AGBL3: variants seen among roughly 807,000 people sequenced by gnomAD.
AGBL3 encodes AGBL carboxypeptidase 3.
Under a neutral mutation model 94.5 loss-of-function variants are expected in AGBL3, and 68 were observed. The ratio of observed to expected loss-of-function variants is 0.72; its 90% CI spans 0.59 to 0.88. The LOEUF (loss-of-function observed/expected upper bound fraction) is 0.88, where lower values mean the gene tolerates loss of function less well. AGBL3 is among the 40% of genes least tolerant of loss of function. The pLI is 0.00. For synonymous variants in AGBL3, 354 were observed against 370.7 expected (o/e 0.95, Z 0.52); for missense variants, 934 against 1,103.8 (o/e 0.85, Z 2.18).
chr7:135,001,415 G>T (rs1245151398), intron 4 of AGBL3, among the ~76,000 whole-genome samples: 1 of 152,154 alleles, frequency 6.6e-6, no homozygotes, highest in Non-Finnish European at 1.5e-5. Flanking sequence ...ATCCATATTA[G>T]TTTGTGAGAC....
chr7:135,023,279 G>A (rs1485734021), intron 5 of AGBL3, among the ~76,000 whole-genome samples: 1 of 152,094 alleles, frequency 6.6e-6, no homozygotes, highest in Non-Finnish European at 1.5e-5. Flanking sequence ...AACATACTTT[G>A]AACAGATCCT....
chr7:135,111,815 A>G (rs1203203100), intron 15 of AGBL3, among the ~76,000 whole-genome samples: 1 of 152,070 alleles, frequency 6.6e-6, no homozygotes, highest in African/African-American at 2.4e-5. Context: ...TTTATTTCTG[A>G]GCACTCTCAT....
chr7:135,097,526 G>T (rs904893672), intron 15 of AGBL3, among the ~76,000 whole-genome samples: 33 of 152,126 alleles, frequency 2.2e-4, no homozygotes, highest in African/African-American at 7.7e-4. Flanking sequence ...TGTAAATTTT[G>T]GCATGTTTCA....
chr7:135,128,320 C>CA, intron 16 of AGBL3: 1 of 77,926 alleles, frequency 1.3e-5, no homozygotes, highest in African/African-American at 5.8e-5. Flanking sequence ...AAAAAAAAAA[C>CA]GAAAAAAAAA....
chr7:135,100,278 A>G (rs1823629544), intron 15 of AGBL3, among the ~76,000 whole-genome samples: 1 of 152,104 alleles, frequency 6.6e-6, no homozygotes, highest in African/African-American at 2.4e-5. Flanking sequence ...TATCCATTGC[A>G]GCAACTGGAG....
intron 15 of AGBL3, among the ~76,000 whole-genome samples, chr7:135,085,689 C>G (rs569557300): frequency 1.3e-5 from 2 of 152,140 alleles, no homozygotes; most frequent in South Asian, 4.1e-4. Flanking sequence ...GTTCTCTGTT[C>G]TGTCTCATTG....
chr7:135,128,593 T>C, intron 16 of AGBL3: 3 of 771,730 alleles, frequency 3.9e-6, no homozygotes, highest in Non-Finnish European at 7.2e-6. Flanking sequence ...TTGTGAGCGC[T>C]ATCTGCTCTA....
intron 16 of AGBL3, among the ~76,000 whole-genome samples, chr7:135,122,400 C>G (rs1240708385): frequency 6.6e-6 from 1 of 152,218 alleles, no homozygotes; most frequent in African/African-American, 2.4e-5. Context: ...TGGGCCTGAG[C>G]CCCTAGCGGG....
chr7:135,038,291 T>A lies in AGBL3; in HGVS notation c.1500+711T>A, dbSNP rs971362293. Among the ~76,000 whole-genome samples, 14 of 152,292 alleles carry A rather than the reference T, an allele frequency of 9.2e-5. No homozygotes were observed. The South Asian group carries it at 1.4e-3, about 16-fold the overall frequency. On this transcript the variant is annotated intron_variant, in intron 8 of 16. Transcript: ENST00000436302. ...CAAAGACATAAAAAGGAAAGGATGA[T>A]CTGATAAAAATAGCTATTTAAAGAA...
At chr7:135,000,821 A>G (rs1357954051) in intron 4 of AGBL3, among the ~76,000 whole-genome samples, 3 of 152,188 alleles carry the variant, frequency 2.0e-5, no homozygotes, top group Non-Finnish European at 4.4e-5. Flanking sequence ...GATGGTGCTC[A>G]CAGGCTTTTT....
At chr7:134,988,701 G>A (rs1478812908) in intron 2 of AGBL3, among the ~76,000 whole-genome samples, 3 of 151,618 alleles carry the variant, frequency 2.0e-5, no homozygotes, top group Admixed American at 6.6e-5. Context: ...GCAATGGCGC[G>A]ATCTCGGCTC....
intron 4 of AGBL3, among the ~76,000 whole-genome samples, chr7:135,014,641 T>A (rs556504728): frequency 1.5e-4 from 23 of 152,362 alleles, no homozygotes; most frequent in African/African-American, 5.5e-4. Context: ...TTTTTCTTTT[T>A]CCTTGGAAGA....
At chr7:135,117,250 C>G (rs1378554072) in intron 16 of AGBL3, among the ~76,000 whole-genome samples, 1 of 152,064 alleles carries the variant, frequency 6.6e-6, no homozygotes. Context: ...TGAAATCTGA[C>G]CTATGTTTGA....
At chr7:135,124,594 C>A (rs10268206) in intron 16 of AGBL3, among the ~76,000 whole-genome samples, 1 of 152,016 alleles carries the variant, frequency 6.6e-6, no homozygotes, top group African/African-American at 2.4e-5. Flanking sequence ...ACAGAATATA[C>A]GTTCTTCTCT....
chr7:135,109,896 T>TA (rs1358968102), intron 15 of AGBL3, among the ~76,000 whole-genome samples: 1 of 152,216 alleles, frequency 6.6e-6, no homozygotes, highest in Non-Finnish European at 1.5e-5. Flanking sequence ...GGAAGCTCTA[T>TA]ACCAGGGAGG....
chr7:135,011,263 T>C (rs1425462349), intron 4 of AGBL3: 1 of 152,086 alleles, frequency 6.6e-6, no homozygotes, highest in Admixed American at 6.6e-5. Context: ...TGCACAAAAG[T>C]CCATTTTAAA....
intron 15 of AGBL3, among the ~76,000 whole-genome samples, chr7:135,109,749 T>C (rs4732093): frequency 0.95 from 145,041 of 152,310 alleles, 69,401 homozygotes; most frequent in Non-Finnish European, 1. Context: ...AAAAGCAGTC[T>C]GACCACTTTT....
chr7:135,127,380 C>T (rs1265038078), intron 16 of AGBL3, among the ~76,000 whole-genome samples: 3 of 151,770 alleles, frequency 2.0e-5, no homozygotes, highest in Admixed American at 1.3e-4. Flanking sequence ...CATGAAACCC[C>T]ATCTCTACTA....
chr7:135,034,565 T>C lies in AGBL3; in HGVS notation c.974T>C (p.Ile325Thr). ...NDPVRSKFCK[I>T]RVLCHTLARN... ...CCAGTACGGTCAAAGTTTTGTAAAA[T>C]ACGTGTTTTGTGCCACACGCTTGCT... The change falls in exon 7 of 17, where the codon ATA becomes ACA. Residue 325 changes from isoleucine to threonine, a missense_variant. Physicochemically the swap from Ile to Thr is moderately conservative, Grantham distance 89. Transcript: ENST00000436302. 8 of 1,551,898 alleles carry C rather than the reference T, an allele frequency of 5.2e-6. No individual in the cohort carries two copies. Among genetic ancestry groups the C allele is most frequent in the Non-Finnish European group, 7.0e-6 (8 of 1,147,020 alleles).
Sources: allele counts gnomAD v4.1 joint callset (sites outside exome capture counted in the v4.1 genomes callset), GRCh38; gene constraint gnomAD v4.1.1; transcripts MANE v1.5; gene names NCBI Gene and HGNC (gene_info 2026-07-23, HGNC 2026-07-21).